Variants in PXT1 observed in about 807,000 individuals in gnomAD.
PXT1 encodes the protein peroxisomal testis-specific protein 1.
Under a neutral mutation model 11.0 loss-of-function variants are expected in PXT1, and 11 were observed. The ratio of observed to expected loss-of-function variants is 1.00; its 90% CI spans 0.63 to 1.66. The LOEUF (loss-of-function observed/expected upper bound fraction) is 1.66, where lower values mean the gene tolerates loss of function less well. PXT1 is among the 40% of genes most tolerant of loss of function. The probability of loss-of-function intolerance (pLI) is 0.00; values close to 1 mark genes in which losing one functional copy is unlikely to be tolerated. For synonymous variants in PXT1, 43 were observed against 51.4 expected, an observed-to-expected ratio of 0.84 and a Z score of 0.70; for missense variants, 141 against 155.5, an observed-to-expected ratio of 0.91 and a Z score of 0.49.
intron 3 of PXT1, among the ~76,000 whole-genome samples, chr6:36,407,128 T>C (rs1774303312): frequency 6.6e-6 from 1 of 152,262 alleles, no homozygotes; most frequent in South Asian, 2.1e-4. Flanking sequence ...GTTGTGTTTT[T>C]AGTTCTGGTC....
At chr6:36,402,913 A>G (rs1311498315) in intron 3 of PXT1, among the ~76,000 whole-genome samples, 2 of 151,370 alleles carry the variant, frequency 1.3e-5, no homozygotes, top group Non-Finnish European at 2.9e-5. Context: ...ACCAAGCATC[A>G]GTATTTTTCT....
chr6:36,440,139 CGAGA>C (rs1409796438), intron 1 of PXT1, among the ~76,000 whole-genome samples: 1 of 151,488 alleles, frequency 6.6e-6, no homozygotes, highest in African/African-American at 2.4e-5. Context: ...TTTAATTATT[CGAGA>C]GAGACAGTTC....
In PXT1 at chr6:36,410,485, G is replaced by A. The variant is rs555645814; in HGVS notation, c.170-9901C>T. On this transcript the variant is annotated intron_variant, in intron 3 of 4. Coordinates refer to ENST00000454782, the MANE Select transcript of PXT1 (RefSeq NM_152990.4). ...AAGGAAGGAAATGGGAGGAAGAAAG[G>A]AAGGGAGGAAGAGAGGAAGGAAGAA... Among the ~76,000 whole-genome samples the A allele has an allele frequency of 3.3e-5, 5 of 150,556 alleles. No homozygotes were observed. In the South Asian group the frequency reaches 1.1e-3, roughly 32 times the overall value.
intron 3 of PXT1, among the ~76,000 whole-genome samples, chr6:36,402,552 G>C (rs564798282): frequency 2.0e-5 from 3 of 152,318 alleles, no homozygotes; most frequent in South Asian, 4.1e-4. Flanking sequence ...AAACGAAGTA[G>C]GTGATATCTG....
At position 36,442,704 on chromosome 6, in the gene PXT1, T is replaced by C. The variant is rs1444569354; in HGVS notation, c.-299A>G. 6.6e-6 allele frequency: 1 copy of C among 152,196 alleles called. No individual in the cohort carries two copies. Among genetic ancestry groups the C allele is most frequent in the African/African-American group, 2.4e-5 (1 of 41,446 alleles). 9.4% of individuals were successfully genotyped at this position (152,196 alleles called of 1,614,324 possible). ...CGCATGGGGAGATCAGGGTTCCACATTTTCGGGTAAGCATTAGCCGTCCTG... is the reference window on the plus strand; with the variant it reads ...CGCATGGGGAGATCAGGGTTCCACACTTTCGGGTAAGCATTAGCCGTCCTG... On this transcript the variant is annotated 5_prime_UTR_variant, in exon 1 of 5. An upstream start codon of the reference 5' UTR is lost. Coordinates refer to ENST00000454782, the MANE Select transcript of PXT1 (RefSeq NM_152990.4).
At chr6:36,399,983 C>G (rs1774191772) in intron 4 of PXT1, among the ~76,000 whole-genome samples, 1 of 152,192 alleles carries the variant, frequency 6.6e-6, no homozygotes, top group Non-Finnish European at 1.5e-5. Context: ...GCCAGGTTCC[C>G]AGGCCTTACC....
chr6:36,436,316 T>C (rs1484354906), intron 2 of PXT1, among the ~76,000 whole-genome samples: 2 of 152,146 alleles, frequency 1.3e-5, no homozygotes, highest in Non-Finnish European at 2.9e-5. Flanking sequence ...GGCTACTGGA[T>C]GGAGGTGGTT....
At chr6:36,412,314 T>G (rs1774386639) in intron 3 of PXT1, among the ~76,000 whole-genome samples, 1 of 151,640 alleles carries the variant, frequency 6.6e-6, no homozygotes, top group Non-Finnish European at 1.5e-5. Context: ...ATTGTGCCAC[T>G]GCACTCCAGC....
At chr6:36,435,669 A>C (rs1275455413) in intron 2 of PXT1, among the ~76,000 whole-genome samples, 1 of 152,158 alleles carries the variant, frequency 6.6e-6, no homozygotes, top group Non-Finnish European at 1.5e-5. Flanking sequence ...AAAGACCTAA[A>C]CCAATATACA....
In PXT1 at chr6:36,395,689, T is replaced by C. The variant is rs955432410; in HGVS notation, c.301-3815A>G. Reference sequence around the variant, plus strand: ...ATTTTTCAAACTATTATTTTTTAAATGTGTTGTGGTCTATTTAAAGGTGTT... The same window carrying C: ...ATTTTTCAAACTATTATTTTTTAAACGTGTTGTGGTCTATTTAAAGGTGTT... On this transcript the variant is annotated intron_variant, in intron 4 of 4. Coordinates refer to ENST00000454782, the MANE Select transcript of PXT1 (RefSeq NM_152990.4). 5.9e-5 allele frequency among the ~76,000 whole-genome samples: 9 copies of C among 152,032 alleles called. No homozygotes were observed. In the South Asian group the frequency reaches 1.9e-3, roughly 32 times the overall value.
chr6:36,435,359 A>T (rs1307585935), intron 2 of PXT1, among the ~76,000 whole-genome samples: 1 of 152,112 alleles, frequency 6.6e-6, no homozygotes, highest in Admixed American at 6.6e-5. Flanking sequence ...GAAGTTCAAG[A>T]CCAGCCTGGC....
In PXT1 at chr6:36,417,926, G is replaced by A. The variant is rs556703703; in HGVS notation, c.169+7988C>T. Among the ~76,000 whole-genome samples the A allele has an allele frequency of 1.9e-4, 29 of 152,252 alleles. 1 individual carries two copies. In the East Asian group the frequency reaches 4.4e-3, roughly 23 times the overall value. ...AAAAGTAATTTTGTGGGCAGGGCGC[G>A]GTGGTCATGCCTGTAATCCCAGCAC... On this transcript the variant is annotated intron_variant, in intron 3 of 4. Transcript: ENST00000454782.
intron 2 of PXT1, among the ~76,000 whole-genome samples, chr6:36,429,439 T>C (rs1774656740): frequency 6.8e-6 from 1 of 148,108 alleles, no homozygotes; most frequent in South Asian, 2.1e-4. Flanking sequence ...TACTGGTTTA[T>C]GTTAGGTATC....
intron 3 of PXT1, among the ~76,000 whole-genome samples, chr6:36,408,923 G>A (rs868493243): frequency 2.0e-5 from 3 of 151,832 alleles, no homozygotes; most frequent in African/African-American, 4.8e-5. Flanking sequence ...TCAATGTGTC[G>A]GAACTTTAAA....
intron 3 of PXT1, among the ~76,000 whole-genome samples, chr6:36,404,653 T>C (rs1488911720): frequency 7.2e-6 from 1 of 138,334 alleles, no homozygotes; most frequent in Non-Finnish European, 1.6e-5. Flanking sequence ...TTCTACTTAC[T>C]AAAAAAAAAA....
rs570537421 is a variant in PXT1, at chr6:36,399,381, A to T, written c.300+1073T>A. ...AGGATGGTCACGAACTCCTGACCTCAAGTGATCTGCCCGCCTTGGCCTCCC... is the reference window on the plus strand; with the variant it reads ...AGGATGGTCACGAACTCCTGACCTCTAGTGATCTGCCCGCCTTGGCCTCCC... On this transcript the variant is annotated intron_variant, in intron 4 of 4. Transcript: ENST00000454782. Among the ~76,000 whole-genome samples the T allele has an allele frequency of 2.0e-5, 3 of 152,308 alleles. No homozygotes were observed. In the South Asian group the frequency reaches 6.2e-4, roughly 32 times the overall value.
Position 36,425,801 on chromosome 6 carries a change from AAAAAATATATAT to A in PXT1, c.169+101_169+112del, listed in dbSNP as rs895902248. 2.4e-5 allele frequency: 8 copies of A among 328,460 alleles called. No individual in the cohort carries two copies. The African/African-American group carries it at 2.7e-4, about 11-fold the overall frequency. 20.3% of individuals were successfully genotyped at this position (328,460 alleles called of 1,614,324 possible). ...AGACTCTGTCTCAAAAAACAAAAAC[AAAAAATATATAT>A]ATATATATATATATATTTAATGTCC... On this transcript the variant is annotated intron_variant, in intron 3 of 4. Transcript: ENST00000454782.
At chr6:36,428,730 T>C (rs902185673) in intron 2 of PXT1, among the ~76,000 whole-genome samples, 2 of 148,374 alleles carry the variant, frequency 1.3e-5, no homozygotes, top group Non-Finnish European at 2.9e-5. Context: ...ATGCTAATTA[T>C]ATTTTTCATC....
Position 36,391,754 on chromosome 6 carries a change from G to T in PXT1, c.*16C>A. On this transcript the variant is annotated 3_prime_UTR_variant, in exon 5 of 5. Transcript: ENST00000454782. ...AAAAGAAAACAGAACTTGACCACTT[G>T]ACCTTTACTTTCCTTTTACAGCAAA... The T allele has an allele frequency of 1.3e-6, 2 of 1,536,476 alleles. No individual in the cohort carries two copies. Among genetic ancestry groups the T allele is most frequent in the South Asian group, 1.1e-5 (1 of 89,320 alleles).
Sources: gnomAD v4.1 joint callset for allele counts (sites outside exome capture counted in the v4.1 genomes callset) on GRCh38, gnomAD v4.1.1 for gene constraint, MANE v1.5 for transcripts, NCBI Gene and HGNC (gene_info 2026-07-23, HGNC 2026-07-21) for gene names.